MARCHF1: variants seen among roughly 807,000 people sequenced by gnomAD.
MARCHF1 encodes membrane associated ring-CH-type finger 1.
In MARCHF1, 40 loss-of-function variants were observed where a neutral mutation model predicts 54.2. The observed-to-expected ratio is 0.74, with a 90% CI of 0.57 to 0.96. MARCHF1 has a LOEUF of 0.96. MARCHF1 is among the 40% of genes least tolerant of loss of function. The probability of loss-of-function intolerance (pLI) is 0.00; values close to 1 mark genes in which losing one functional copy is unlikely to be tolerated. For missense variants in MARCHF1, 586 were observed against 656.5 expected (o/e 0.89, Z 1.17); for synonymous variants, 236 against 236.3 (o/e 1.00, Z 0.01).
intron 3 of MARCHF1, among the ~76,000 whole-genome samples, chr4:163,913,230 C>T (rs896358135): frequency 1.7e-4 from 26 of 152,166 alleles, no homozygotes; most frequent in African/African-American, 6.3e-4. Flanking sequence ...TGTGACCACA[C>T]ATGCATAATG....
At chr4:163,831,750 G>C (rs1749031138) in intron 4 of MARCHF1, among the ~76,000 whole-genome samples, 1 of 152,196 alleles carries the variant, frequency 6.6e-6, no homozygotes, top group Non-Finnish European at 1.5e-5. Flanking sequence ...GAAGATAATA[G>C]AAATGGGTAC....
intron 1 of MARCHF1, among the ~76,000 whole-genome samples, chr4:164,114,791 A>G (rs1429725843): frequency 1.3e-5 from 2 of 151,062 alleles, no homozygotes; most frequent in Admixed American, 1.3e-4. Context: ...GAGAATTCAG[A>G]GTGAATTACC....
chr4:163,968,635 C>T (rs536705866), intron 3 of MARCHF1, among the ~76,000 whole-genome samples: 3 of 152,202 alleles, frequency 2.0e-5, no homozygotes, highest in South Asian at 2.1e-4. Flanking sequence ...TTTCTGCTTT[C>T]CTATGGTTCT....
chr4:164,184,132 C>T (rs560531225), intron 1 of MARCHF1, among the ~76,000 whole-genome samples: 8 of 152,130 alleles, frequency 5.3e-5, no homozygotes, highest in South Asian at 2.1e-4. Context: ...AGGTATTGCT[C>T]GATACAACAG....
At chr4:163,931,310 T>C (rs530197416) in intron 3 of MARCHF1, among the ~76,000 whole-genome samples, 2 of 152,270 alleles carry the variant, frequency 1.3e-5, no homozygotes, top group Non-Finnish European at 2.9e-5. Context: ...AACATTTAAA[T>C]TGGTGCTGTA....
intron 1 of MARCHF1, among the ~76,000 whole-genome samples, chr4:164,114,043 G>C (rs964405315): frequency 2.0e-5 from 3 of 151,902 alleles, no homozygotes; most frequent in Non-Finnish European, 4.4e-5. Flanking sequence ...TTATAAAGGA[G>C]GGACAAGTTG....
chr4:163,655,721 GCAAT>G (rs759810764), intron 5 of MARCHF1, among the ~76,000 whole-genome samples: 2 of 151,888 alleles, frequency 1.3e-5, no homozygotes, highest in Non-Finnish European at 2.9e-5. Context: ...AGACCACAGT[GCAAT>G]CAAATTAGAA....
chr4:164,007,623 AATTT>A (rs1753322552), intron 2 of MARCHF1, among the ~76,000 whole-genome samples: 1 of 143,576 alleles, frequency 7.0e-6, no homozygotes, highest in African/African-American at 2.6e-5. Context: ...TAACATGTAG[AATTT>A]ATTTCTCTCT....
intron 3 of MARCHF1, among the ~76,000 whole-genome samples, chr4:163,906,296 T>C (rs1007066457): frequency 1.1e-4 from 17 of 151,850 alleles, no homozygotes; most frequent in Non-Finnish European, 1.9e-4. Context: ...ACTGAATAAA[T>C]AAATGGGGTA....
intron 1 of MARCHF1, among the ~76,000 whole-genome samples, chr4:164,373,043 AAAG>A (rs1297141563): frequency 6.6e-5 from 10 of 152,192 alleles, no homozygotes; most frequent in Admixed American, 6.5e-4. Flanking sequence ...CTGAGAATTT[AAAG>A]AATATTTATA....
chr4:164,211,327 G>GTATATATA (rs1382533907), intron 1 of MARCHF1, among the ~76,000 whole-genome samples: 1 of 53,514 alleles, frequency 1.9e-5, no homozygotes, highest in Non-Finnish European at 3.9e-5. Context: ...GTGTATGTAT[G>GTATATATA]TATGTATATA....
At chr4:163,859,133 A>G (rs1749851039) in intron 3 of MARCHF1, among the ~76,000 whole-genome samples, 1 of 152,188 alleles carries the variant, frequency 6.6e-6, no homozygotes, top group African/African-American at 2.4e-5. Flanking sequence ...GAAGGCTTAA[A>G]TTCTTGGTGC....
intron 3 of MARCHF1, among the ~76,000 whole-genome samples, chr4:163,885,938 T>C (rs891147498): frequency 1.4e-5 from 2 of 147,424 alleles, no homozygotes; most frequent in Non-Finnish European, 3.0e-5. Flanking sequence ...ATCTAATATA[T>C]ATATAAATAT....
chr4:163,871,284 G>C (rs1750163086), intron 3 of MARCHF1, among the ~76,000 whole-genome samples: 1 of 152,120 alleles, frequency 6.6e-6, no homozygotes, highest in Non-Finnish European at 1.5e-5. Context: ...TATCTGAAGA[G>C]TCAGCACAAA....
chr4:163,637,895 A>C (rs1463240231), intron 5 of MARCHF1, among the ~76,000 whole-genome samples: 4 of 151,210 alleles, frequency 2.6e-5, no homozygotes, highest in African/African-American at 4.9e-5. Flanking sequence ...CATATACACC[A>C]TGGAATACTA....
At chr4:163,592,183 T>A (rs1001147697) in intron 7 of MARCHF1, among the ~76,000 whole-genome samples, 3 of 152,130 alleles carry the variant, frequency 2.0e-5, no homozygotes, top group African/African-American at 7.2e-5. Context: ...CAACAGATAA[T>A]ACCATTTTTG....
At chr4:163,680,824 T>TC (rs1281702835) in intron 5 of MARCHF1, among the ~76,000 whole-genome samples, 1 of 152,112 alleles carries the variant, frequency 6.6e-6, no homozygotes, top group African/African-American at 2.4e-5. Context: ...TCACAACACT[T>TC]ATTGAAGTTT....
intron 3 of MARCHF1, among the ~76,000 whole-genome samples, chr4:163,894,685 T>C: frequency 2.7e-5 from 1 of 37,582 alleles, no homozygotes. Context: ...TATATGCATG[T>C]GATGCATATA....
chr4:164,056,223 C>G (rs1199088646), intron 2 of MARCHF1, among the ~76,000 whole-genome samples: 1 of 152,136 alleles, frequency 6.6e-6, no homozygotes, highest in Non-Finnish European at 1.5e-5. Context: ...CTCCAGGCTG[C>G]CCAGGCTCAT....
Sources: allele counts gnomAD v4.1 joint callset (sites outside exome capture counted in the v4.1 genomes callset), GRCh38; gene constraint gnomAD v4.1.1; transcripts MANE v1.5; gene names NCBI Gene and HGNC (gene_info 2026-07-23, HGNC 2026-07-21).